The following PRELP variants were observed in gnomAD, a reference collection of about 807,000 sequenced individuals.
PRELP encodes the protein prolargin.
PRELP carries 16 observed loss-of-function variants against 22.8 expected under a neutral mutation model. That is an observed-to-expected ratio of 0.70 (90% CI 0.47 to 1.06). The LOEUF is 1.06. PRELP is among the 50% of genes least tolerant of loss of function. The pLI, the probability that PRELP is intolerant of heterozygous loss-of-function variation, is 0.00. For synonymous variants in PRELP, 233 were observed against 211.4 expected, an observed-to-expected ratio of 1.10 and a Z score of -0.89; for missense variants, 434 against 485.2, an observed-to-expected ratio of 0.89 and a Z score of 0.99.
chr1:203,476,483 T>G (rs577223476), intron 1 of PRELP, among the ~76,000 whole-genome samples: 29 of 152,264 alleles, frequency 1.9e-4, no homozygotes, highest in African/African-American at 6.7e-4. Flanking sequence ...ACATGTTCCC[T>G]GCATCTTGTC....
At chr1:203,476,001 C>T (rs1043634642) in intron 1 of PRELP, 63 bp downstream of exon 1, 4 of 152,598 alleles carry the variant, frequency 2.6e-5, no homozygotes, top group Non-Finnish European at 5.9e-5. Context: ...AAGTTTCCTC[C>T]AGCTCTGTCC....
rs1661097741 is a variant in PRELP at position 203,486,723 on chromosome 1, A to T, written c.991A>T (p.Ile331Phe). ...NSIEKINGTQ[I>F]CPNDLVAFHD... is the part of the protein sequence containing the mutation. ...TTCCGTAGAAATCAACGGAACCCAG[A>T]TTTGCCCCAACGACCTAGTGGCGTT... The change falls in exon 3 of 3, where the codon ATT (isoleucine) becomes TTT (phenylalanine). Residue 331 changes from isoleucine to phenylalanine, a missense_variant. Physicochemically the swap from Ile to Phe is conservative, Grantham distance 21 (BLOSUM62 0). Transcript: ENST00000343110. The T allele has an allele frequency of 6.2e-7, 1 of 1,611,944 alleles. No individual in the cohort carries two copies.
At chr1:203,484,637 C>T (rs781062535) in intron 2 of PRELP, among the ~76,000 whole-genome samples, 6 of 152,226 alleles carry the variant, frequency 3.9e-5, no homozygotes, top group Non-Finnish European at 8.8e-5. Flanking sequence ...TGGGAAGATG[C>T]TTCTTCCCAA....
chr1:203,478,720 C>T (rs1355491162), intron 1 of PRELP, among the ~76,000 whole-genome samples: 2 of 152,126 alleles, frequency 1.3e-5, no homozygotes, highest in Non-Finnish European at 2.9e-5. Flanking sequence ...GTATGCACCA[C>T]AGGCTCTCCT....
rs397844598 is a variant in PRELP at position 203,479,706 on chromosome 1, CAAAAAAAAAA to C, written c.-16-3442_-16-3433del. ...TCAACAAAGGGAGACCCTGTATCAC[CAAAAAAAAAA>C]AAAAAAAAAAAAAAAAAAAATCAAG... On this transcript the variant is annotated intron_variant, in intron 1 of 2. Coordinates refer to ENST00000343110, the MANE Select transcript of PRELP (RefSeq NM_002725.4). Among the ~76,000 whole-genome samples, 475 of 52,528 alleles carry C rather than the reference CAAAAAAAAAA, an allele frequency of 9.0e-3. 3 individuals are homozygous for C. Among genetic ancestry groups the C allele is most frequent in the African/African-American group, 0.03 (420 of 14,110 alleles). The allele number at this position is 52,528 out of a possible 152,430, so 34.5% of individuals were successfully genotyped here.
In PRELP at chr1:203,488,858, G is replaced by A. The variant is rs1389236057; in HGVS notation, c.*1977G>A. The A allele has an allele frequency of 6.6e-6, 1 of 152,170 alleles. No homozygotes were observed. Among genetic ancestry groups the A allele is most frequent in the Admixed American group, 6.5e-5 (1 of 15,282 alleles). The allele number at this position is 152,170 out of a possible 1,614,324, so 9.4% of individuals were successfully genotyped here. A position where few individuals can be genotyped will look rare whatever the true frequency, so the allele number is the denominator to read the frequency against. Reference sequence around the variant, plus strand: ...TTGGTGGGAGGCATAGAGGATGGATGTTCTAGAAATGAGTAAGACACAGTG... The same window carrying A: ...TTGGTGGGAGGCATAGAGGATGGATATTCTAGAAATGAGTAAGACACAGTG... On this transcript the variant is annotated 3_prime_UTR_variant, in exon 3 of 3. Transcript: ENST00000343110.
chr1:203,478,906 A>C (rs1033001470), intron 1 of PRELP, among the ~76,000 whole-genome samples: 2 of 152,182 alleles, frequency 1.3e-5, no homozygotes, highest in Non-Finnish European at 2.9e-5. Context: ...ATAAATTGGC[A>C]AAGACTGCTT....
In PRELP at chr1:203,487,920, A is replaced by C. The variant is rs1441112588; in HGVS notation, c.*1039A>C. ...TTGAAAATGCGCCTCCTCCTCGGAG[A>C]CAGACGCATCGGTGCCACCTAGTGG... On this transcript the variant is annotated 3_prime_UTR_variant, in exon 3 of 3. Coordinates refer to ENST00000343110, the MANE Select transcript of PRELP (RefSeq NM_002725.4). 1.3e-5 allele frequency: 2 copies of C among 152,216 alleles called. No homozygotes were observed. Among genetic ancestry groups the C allele is most frequent in the Non-Finnish European group, 2.9e-5 (2 of 68,044 alleles). 9.4% of individuals were successfully genotyped at this position (152,216 alleles called of 1,614,324 possible).
intron 2 of PRELP, 67 bp from the exon 3 acceptor site, chr1:203,486,639 C>T: frequency 4.1e-6 from 6 of 1,463,170 alleles, no homozygotes; most frequent in Non-Finnish European, 5.7e-6. Flanking sequence ...TGTCTTCCCC[C>T]TTCCCCTTCC....
At position 203,486,951 on chromosome 1, in the gene PRELP, T is replaced by C; in HGVS notation, c.*70T>C. Reference sequence around the variant, plus strand: ...GGGGCCCAGGCACCTGTGCCGGCCATTCGTTTTCTCTCTCTCCCTTTCTTT... The same window carrying C: ...GGGGCCCAGGCACCTGTGCCGGCCACTCGTTTTCTCTCTCTCCCTTTCTTT... On this transcript the variant is annotated 3_prime_UTR_variant, in exon 3 of 3. Coordinates refer to ENST00000343110, the MANE Select transcript of PRELP (RefSeq NM_002725.4). The C allele has an allele frequency of 6.9e-7, 1 of 1,442,432 alleles. No homozygotes were observed. The highest frequency in any genetic ancestry group is 9.3e-7 in the Non-Finnish European group (1 of 1,071,338). The allele number at this position is 1,442,432 out of a possible 1,614,324, so 89.4% of individuals were successfully genotyped here.
Position 203,483,062 on chromosome 1 carries a change from G to T in PRELP, c.-16-107G>T. 1.1e-6 allele frequency: 1 copy of T among 901,954 alleles called. No individual in the cohort carries two copies. Among genetic ancestry groups the T allele is most frequent in the Non-Finnish European group, 1.7e-6 (1 of 585,092 alleles). The allele number at this position is 901,954 out of a possible 1,614,324, so 55.9% of individuals were successfully genotyped here. A position where few individuals can be genotyped will look rare whatever the true frequency, so the allele number is the denominator to read the frequency against. ...ATGCTTCCACAGCTCCCTGAGCTCT[G>T]CCCATCTTCCCTAGAGCTCTAGTTC... On this transcript the variant is annotated intron_variant, in intron 1 of 2. Coordinates refer to ENST00000343110, the MANE Select transcript of PRELP (RefSeq NM_002725.4). The surrounding 1 kb of genome is among the most constrained non-coding windows in gnomAD (Gnocchi z 4.4).
At chr1:203,482,723 A>G (rs574909426) in intron 1 of PRELP, among the ~76,000 whole-genome samples, 206 of 145,504 alleles carry the variant, frequency 1.4e-3, no homozygotes, top group African/African-American at 5.1e-3. Context: ...TCAGCCTCCC[A>G]AGTAGCTGGG....
At chr1:203,482,591 CTTTTTTTTTTTT>C (rs58787817) in intron 1 of PRELP, among the ~76,000 whole-genome samples, 2 of 51,078 alleles carry the variant, frequency 3.9e-5, no homozygotes, top group Admixed American at 3.3e-4. Flanking sequence ...CCCAATGTGC[CTTTTTTTTTTTT>C]TTTTTTTTTT....
At chr1:203,476,975 T>C (rs1437783944) in intron 1 of PRELP, among the ~76,000 whole-genome samples, 1 of 148,588 alleles carries the variant, frequency 6.7e-6, no homozygotes, top group African/African-American at 2.5e-5. Flanking sequence ...CTTAAGCAGT[T>C]GGGGAGGGGA....
intron 1 of PRELP, among the ~76,000 whole-genome samples, chr1:203,481,036 A>T (rs1660991706): frequency 6.6e-6 from 1 of 150,562 alleles, no homozygotes; most frequent in South Asian, 2.1e-4. Flanking sequence ...AGCACAGGTC[A>T]CAGCCACAGT....
chr1:203,477,190 C>T (rs1402598582), intron 1 of PRELP, among the ~76,000 whole-genome samples: 3 of 152,088 alleles, frequency 2.0e-5, no homozygotes, highest in African/African-American at 7.2e-5. Flanking sequence ...TCTACTGAAT[C>T]GAGACCCAGG....
chr1:203,487,504 CCAG>C lies in PRELP; in HGVS notation c.*627_*629del, dbSNP rs1200823287. 1.3e-5 allele frequency: 2 copies of C among 153,060 alleles called. No homozygotes were observed. Among genetic ancestry groups the C allele is most frequent in the Admixed American group, 1.3e-4 (2 of 15,288 alleles). The allele number at this position is 153,060 out of a possible 1,614,324, so 9.5% of individuals were successfully genotyped here. On this transcript the variant is annotated 3_prime_UTR_variant, in exon 3 of 3. Coordinates refer to ENST00000343110, the MANE Select transcript of PRELP (RefSeq NM_002725.4). Reference sequence around the variant, plus strand: ...GGCTCCCGCAGGGGCCTGCATCTGGCCAGCAGGACACAGGGATGCGCAGGGCGC... The same window carrying C: ...GGCTCCCGCAGGGGCCTGCATCTGGCCAGGACACAGGGATGCGCAGGGCGC...
rs554918477 is a variant in PRELP at position 203,481,070 on chromosome 1, C to T, written c.-16-2099C>T. 1.1e-4 allele frequency among the ~76,000 whole-genome samples: 16 copies of T among 146,388 alleles called. No homozygotes were observed. The East Asian group carries it at 3.7e-3, about 33-fold the overall frequency. ...GTGCCTCACTGCTTTTGCTGGAAGC[C>T]CTGGGCAAATTGGTGCCCAGTCCCT... On this transcript the variant is annotated intron_variant, in intron 1 of 2. Transcript: ENST00000343110.
In PRELP at chr1:203,483,092, C is replaced by G; in HGVS notation, c.-16-77C>G. 8.1e-7 allele frequency: 1 copy of G among 1,236,526 alleles called. No homozygotes were observed. The allele number at this position is 1,236,526 out of a possible 1,614,324, so 76.6% of individuals were successfully genotyped here. On this transcript the variant is annotated intron_variant, in intron 1 of 2. Coordinates refer to ENST00000343110, the MANE Select transcript of PRELP (RefSeq NM_002725.4). This position sits in a 1 kb window ranked among gnomAD's most constrained non-coding sequence, Gnocchi z 4.4. ...TCTTCCCTAGAGCTCTAGTTCTGCC[C>G]AACTCTGGCTTCAAAAACATGACAA...
Sources: allele counts gnomAD v4.1 joint callset (sites outside exome capture counted in the v4.1 genomes callset), GRCh38; gene constraint gnomAD v4.1.1; non-coding constraint Gnocchi (gnomAD v3.1); transcripts MANE v1.5; gene names NCBI Gene and HGNC (gene_info 2026-07-23, HGNC 2026-07-21).